Variants in CTNNA2 observed in about 807,000 individuals in gnomAD.
CTNNA2 encodes catenin alpha-2.
CTNNA2 carries 42 observed loss-of-function variants against 101.0 expected under a neutral mutation model. The observed-to-expected ratio is 0.42, with a 90% CI of 0.32 to 0.54. The LOEUF is 0.54. Ranked by LOEUF, CTNNA2 falls within the 20% of genes least tolerant of loss-of-function variation. CTNNA2 has a pLI of 0.14. For synonymous variants in CTNNA2, 450 were observed against 456.4 expected (o/e 0.99, Z 0.18); for missense variants, 871 against 1,223.1 (o/e 0.71, Z 4.29).
At chr2:79,469,484 A>G (rs1174171016) in intron 4 of CTNNA2, among the ~76,000 whole-genome samples, 1 of 152,204 alleles carries the variant, frequency 6.6e-6, no homozygotes, top group African/African-American at 2.4e-5. Context: ...TTCTGAAACT[A>G]TTCCAATCAA....
chr2:80,250,762 G>C (rs1181593034), intron 7 of CTNNA2, among the ~76,000 whole-genome samples: 1 of 152,094 alleles, frequency 6.6e-6, no homozygotes, highest in East Asian at 1.9e-4. Context: ...TTCTAGTTCT[G>C]GCTCTAGCAC....
At chr2:80,019,720 T>C (rs1005713561) in intron 7 of CTNNA2, among the ~76,000 whole-genome samples, 1 of 152,180 alleles carries the variant, frequency 6.6e-6, no homozygotes, top group Non-Finnish European at 1.5e-5. Context: ...AGCTCCCAAA[T>C]TCCTAAAGTA....
rs1553392095 is a variant in CTNNA2, at chr2:80,568,560, G to GGTGTCCGT, written c.1742-5599_1742-5598insCCGTGTGT. On this transcript the variant is annotated intron_variant, in intron 12 of 18. Transcript: ENST00000402739. The stretch of plus-strand genomic sequence containing the variant: ...AATACAGTATACTGAGTGCTATAAT[G>GGTGTCCGT]GTGTGCGTGTGTGTGTGTGTGTGTG... Among the ~76,000 whole-genome samples the GGTGTCCGT allele has an allele frequency of 3.8e-5, 4 of 104,654 alleles. No individual in the cohort carries two copies. In the East Asian group the frequency reaches 9.7e-4, roughly 25 times the overall value. 68.7% of individuals were successfully genotyped at this position (104,654 alleles called of 152,430 possible). A position where few individuals can be genotyped will look rare whatever the true frequency, so the allele number is the denominator to read the frequency against.
chr2:80,222,434 G>T (rs983176105), intron 7 of CTNNA2, among the ~76,000 whole-genome samples: 1 of 152,068 alleles, frequency 6.6e-6, no homozygotes, highest in African/African-American at 2.4e-5. Context: ...CAAAGAGAAA[G>T]TCATGACTCA....
intron 3 of CTNNA2, among the ~76,000 whole-genome samples, chr2:79,332,793 C>T (rs1186353222): frequency 3.9e-5 from 6 of 152,078 alleles, no homozygotes; most frequent in Non-Finnish European, 5.9e-5. Context: ...ACATTTCCTT[C>T]GGAATAGTAT....
chr2:79,475,177 C>A (rs1671038181), intron 4 of CTNNA2, among the ~76,000 whole-genome samples: 1 of 150,522 alleles, frequency 6.6e-6, no homozygotes. Flanking sequence ...ACTTTGTAAT[C>A]TTTTCTTCAG....
At chr2:80,076,949 G>A (rs113012697) in intron 7 of CTNNA2, among the ~76,000 whole-genome samples, 3 of 152,218 alleles carry the variant, frequency 2.0e-5, no homozygotes, top group African/African-American at 7.2e-5. Context: ...GGGAGGCTGA[G>A]GTAGGAGAAT....
intron 7 of CTNNA2, among the ~76,000 whole-genome samples, chr2:80,136,113 G>A (rs914741124): frequency 6.6e-6 from 1 of 152,158 alleles, no homozygotes; most frequent in African/African-American, 2.4e-5. Context: ...TTGTATAGTA[G>A]TTGCAGCATT....
chr2:79,782,772 A>G (rs768758082), intron 3 of CTNNA2, among the ~76,000 whole-genome samples: 1 of 152,148 alleles, frequency 6.6e-6, no homozygotes, highest in African/African-American at 2.4e-5. Context: ...TGAGCAGCAC[A>G]AGCCCTACTA....
intron 9 of CTNNA2, among the ~76,000 whole-genome samples, chr2:80,495,939 CAAAAAAAAA>C (rs60582703): frequency 8.4e-5 from 3 of 35,772 alleles, no homozygotes; most frequent in Admixed American, 1.0e-3. Flanking sequence ...GACTCTGTCT[CAAAAAAAAA>C]AAAAAAAAAA....
At chr2:79,753,822 T>C (rs1457187478) in intron 3 of CTNNA2, among the ~76,000 whole-genome samples, 2 of 152,096 alleles carry the variant, frequency 1.3e-5, no homozygotes, top group East Asian at 3.9e-4. Flanking sequence ...TGTGAAGTGA[T>C]ATGGTGATAT....
At chr2:79,790,242 T>G in intron 3 of CTNNA2, among the ~76,000 whole-genome samples, 1 of 152,116 alleles carries the variant, frequency 6.6e-6, no homozygotes, top group Non-Finnish European at 1.5e-5. Context: ...CGCTAGGAAC[T>G]GTTTAAGAGC....
intron 2 of CTNNA2, among the ~76,000 whole-genome samples, chr2:79,229,288 A>G (rs1202479307): frequency 6.6e-6 from 1 of 152,192 alleles, no homozygotes. Flanking sequence ...CTTGAATTGT[A>G]TCTCCCAGAA....
chr2:80,490,659 G>A (rs1480120655), intron 9 of CTNNA2, among the ~76,000 whole-genome samples: 3 of 152,158 alleles, frequency 2.0e-5, no homozygotes, highest in African/African-American at 7.2e-5. Context: ...TTGGACAGTG[G>A]TGTAAAGATT....
rs1425073770 is a variant in CTNNA2 at position 80,212,109 on chromosome 2, G to T, written c.1057-181102G>T. 2.6e-5 allele frequency among the ~76,000 whole-genome samples: 4 copies of T among 152,186 alleles called. 1 individual carries two copies. In the East Asian group the frequency reaches 7.7e-4, roughly 29 times the overall value. On this transcript the variant is annotated intron_variant, in intron 7 of 18. Coordinates refer to ENST00000402739, the MANE Select transcript of CTNNA2 (RefSeq NM_001282597.3). Reference sequence around the variant, plus strand: ...CAGAAGTTGCCTATCAGCTTAAGGAGATTTTGGGCGGAGACAATGGGGTTT... The same window carrying T: ...CAGAAGTTGCCTATCAGCTTAAGGATATTTTGGGCGGAGACAATGGGGTTT...
intron 9 of CTNNA2, among the ~76,000 whole-genome samples, chr2:80,472,062 G>A (rs1334543245): frequency 3.9e-5 from 6 of 152,020 alleles, no homozygotes; most frequent in African/African-American, 1.5e-4. Context: ...GGGAGGCAGA[G>A]GTTGCAGTGA....
At chr2:80,093,629 A>C (rs973576715) in intron 7 of CTNNA2, among the ~76,000 whole-genome samples, 1 of 152,034 alleles carries the variant, frequency 6.6e-6, no homozygotes, top group African/African-American at 2.4e-5. Flanking sequence ...CAACAGAGTA[A>C]AAGTGTTCCT....
At chr2:80,220,047 A>G (rs1406093860) in intron 7 of CTNNA2, among the ~76,000 whole-genome samples, 1 of 152,180 alleles carries the variant, frequency 6.6e-6, no homozygotes, top group Non-Finnish European at 1.5e-5. Context: ...TTCCTGTGCA[A>G]TTGCATCCCT....
At chr2:79,204,123 G>A (rs964762051) in intron 2 of CTNNA2, among the ~76,000 whole-genome samples, 1 of 152,210 alleles carries the variant, frequency 6.6e-6, no homozygotes, top group African/African-American at 2.4e-5. Flanking sequence ...GCCATAAGGT[G>A]CCTTTGAAAT....
Sources: allele counts gnomAD v4.1 joint callset (sites outside exome capture counted in the v4.1 genomes callset), GRCh38; gene constraint gnomAD v4.1.1; transcripts MANE v1.5; gene names NCBI Gene and HGNC (gene_info 2026-07-23, HGNC 2026-07-21).